Variants in RECQL5 observed in about 807,000 individuals in gnomAD.
The protein encoded by RECQL5 is RecQ like helicase 5.
A neutral mutation model predicts 103.4 loss-of-function variants in RECQL5; 88 were observed. That is an observed-to-expected ratio of 0.85 (90% CI 0.72 to 1.02). RECQL5 has a LOEUF of 1.02. RECQL5 is among the 50% of genes least tolerant of loss of function. The pLI, the probability that RECQL5 is intolerant of heterozygous loss-of-function variation, is 0.00. For synonymous variants in RECQL5, 552 were observed against 507.9 expected (o/e 1.09, Z -1.17); for missense variants, 1,232 against 1,284.3 (o/e 0.96, Z 0.62).
intron 8 of RECQL5, chr17:75,638,299 G>A (rs1331979280): frequency 6.6e-6 from 1 of 152,144 alleles, no homozygotes; most frequent in African/African-American, 2.4e-5. Flanking sequence ...TGGCTAACAT[G>A]GTGAAATCCT....
chr17:75,651,812 A>C (rs2059559371), intron 7 of RECQL5, among the ~76,000 whole-genome samples: 1 of 152,062 alleles, frequency 6.6e-6, no homozygotes, highest in South Asian at 2.1e-4. Context: ...ATATAATATC[A>C]CCTATTTTAA....
intron 6 of RECQL5, 68 bp from the exon 7 acceptor site, chr17:75,658,528 C>G: frequency 1.3e-6 from 2 of 1,498,014 alleles, no homozygotes; most frequent in Non-Finnish European, 9.2e-7. Context: ...GAGGAGTAAT[C>G]ATGACTAGGA....
intron 15 of RECQL5, 78 bp from the exon 16 acceptor site, chr17:75,629,553 C>A (rs1402730050): frequency 1.3e-5 from 20 of 1,496,670 alleles, no homozygotes; most frequent in Non-Finnish European, 1.7e-5. Context: ...AGCAGTAACT[C>A]ACATTGGGAC....
chr17:75,665,645 G>A (rs1207625468), intron 2 of RECQL5, among the ~76,000 whole-genome samples: 4 of 148,912 alleles, frequency 2.7e-5, no homozygotes, highest in Admixed American at 6.7e-5. Flanking sequence ...AGCCGAGATC[G>A]CGCCACTGCA....
chr17:75,644,509 T>C (rs1287021740), intron 8 of RECQL5, among the ~76,000 whole-genome samples: 7 of 151,674 alleles, frequency 4.6e-5, no homozygotes, highest in Non-Finnish European at 1.5e-5. Context: ...CCTGTGGAGG[T>C]TGAGGCAGGA....
rs576882550 is a variant in RECQL5, at chr17:75,665,308, C to A, written c.131-136G>T. 47 of 715,820 alleles carry A rather than the reference C, an allele frequency of 6.6e-5. No individual in the cohort carries two copies. The African/African-American group carries it at 8.4e-4, about 13-fold the overall frequency. 44.3% of individuals were successfully genotyped at this position (715,820 alleles called of 1,614,324 possible). On this transcript the variant is annotated intron_variant, in intron 2 of 19. Coordinates refer to ENST00000317905, the MANE Select transcript of RECQL5 (RefSeq NM_004259.7). Reference sequence around the variant, plus strand: ...GGAGGGTCTCGATGTAATCCTAATTCCCCTCCTGTCCTTTCTATGAAAAAG... The same window carrying A: ...GGAGGGTCTCGATGTAATCCTAATTACCCTCCTGTCCTTTCTATGAAAAAG...
In RECQL5 at chr17:75,629,204, G is replaced by A. The variant is rs573582809; in HGVS notation, c.2219C>T (p.Ser740Phe). 18 of 1,613,500 alleles carry A rather than the reference G, an allele frequency of 1.1e-5. No homozygotes were observed. In the African/African-American group the frequency reaches 2.1e-4, roughly 19 times the overall value. ...CTTGCTAGCCCGGCCCTTGGCAAGG[G>A]AGCTGCCCCCAGAGGAACTTTTTGC... ...KKAKSSSGGS[S>F]LAKGRASKKQ... The change falls in exon 16 of 20, where the codon TCC (serine) becomes TTC (phenylalanine). Residue 740 changes from serine to phenylalanine, a missense_variant. Physicochemically the swap from Ser to Phe is radical, Grantham distance 155 (BLOSUM62 -2). Transcript: ENST00000317905.
At chr17:75,661,369 G>T (rs904379692) in intron 5 of RECQL5, among the ~76,000 whole-genome samples, 8 of 152,150 alleles carry the variant, frequency 5.3e-5, no homozygotes, top group African/African-American at 1.9e-4. Context: ...TTGTAAAAAC[G>T]TATCACCTGC....
chr17:75,658,147 C>G (rs1392012268), intron 7 of RECQL5, 151 bp downstream of exon 7: 1 of 634,770 alleles, frequency 1.6e-6, no homozygotes, highest in Non-Finnish European at 2.5e-6. Context: ...AGCTGCCTAC[C>G]TAACCAATAC....
chr17:75,646,194 C>T (rs977652456), intron 8 of RECQL5: 4 of 152,156 alleles, frequency 2.6e-5, no homozygotes, highest in Non-Finnish European at 2.9e-5. Context: ...GGGAGCAACA[C>T]TTCCCCCAGA....
At chr17:75,665,200 C>A in intron 2 of RECQL5, 28 bp from the exon 3 acceptor site, 1 of 1,593,226 alleles carries the variant, frequency 6.3e-7, no homozygotes, top group Non-Finnish European at 8.6e-7. Context: ...AACAATATCT[C>A]AGTGCTTCCT....
intron 8 of RECQL5, among the ~76,000 whole-genome samples, chr17:75,642,760 G>A: frequency 6.6e-6 from 1 of 152,198 alleles, no homozygotes; most frequent in South Asian, 2.1e-4. Flanking sequence ...CCTCCATGTT[G>A]AAGATACCAC....
chr17:75,628,915 T>C lies in RECQL5; in HGVS notation c.2489+19A>G, dbSNP rs1427054884. ...GCCGTGTAGGTTCCAGAAGATTCTA[T>C]GACTACCTGTACCCTTACCTTGGCC... On this transcript the variant is annotated intron_variant, in intron 16 of 19. Coordinates refer to ENST00000317905, the MANE Select transcript of RECQL5 (RefSeq NM_004259.7). 1.3e-6 allele frequency: 2 copies of C among 1,581,820 alleles called. No homozygotes were observed. Among genetic ancestry groups the C allele is most frequent in the Non-Finnish European group, 8.5e-7 (1 of 1,171,892 alleles).
In RECQL5 at chr17:75,658,476, G is replaced by A. The variant is rs777406443; in HGVS notation, c.987-16C>T. 6.2e-7 allele frequency: 1 copy of A among 1,611,918 alleles called. No individual in the cohort carries two copies. Among genetic ancestry groups the A allele is most frequent in the Non-Finnish European group, 8.5e-7 (1 of 1,178,694 alleles). ...GGCGACAAACCTGTAGGATCCAAAG[G>A]GACAAGCAGCATGAGATGGTGGAGA... is the stretch of plus-strand genomic sequence containing the variant. On this transcript the variant is annotated splice_polypyrimidine_tract_variant and intron_variant, in intron 6 of 19. Coordinates refer to ENST00000317905, the MANE Select transcript of RECQL5 (RefSeq NM_004259.7).
chr17:75,644,051 C>A (rs1297120746), intron 8 of RECQL5, among the ~76,000 whole-genome samples: 4 of 152,250 alleles, frequency 2.6e-5, no homozygotes, highest in African/African-American at 9.6e-5. Context: ...TGCCTGTAAT[C>A]CCAGCACTTT....
intron 18 of RECQL5, 53 bp from the exon 19 acceptor site, chr17:75,627,745 C>A: frequency 6.6e-7 from 1 of 1,513,768 alleles, no homozygotes; most frequent in South Asian, 1.2e-5. Context: ...GGTGGCCGGG[C>A]GCAGTGGCTC....
intron 8 of RECQL5, among the ~76,000 whole-genome samples, chr17:75,643,996 T>C (rs781628666): frequency 1.3e-5 from 2 of 152,204 alleles, no homozygotes; most frequent in Non-Finnish European, 2.9e-5. Context: ...TGTCTGTACA[T>C]CATGCCTGAT....
At chr17:75,632,411 A>G (rs1016655178) in intron 8 of RECQL5, among the ~76,000 whole-genome samples, 4 of 152,002 alleles carry the variant, frequency 2.6e-5, no homozygotes, top group Admixed American at 6.6e-5. Flanking sequence ...CCCTAAGTAT[A>G]CTCTGTGACC....
intron 8 of RECQL5, among the ~76,000 whole-genome samples, chr17:75,644,116 CAACATGGTGA>C (rs1009391514): frequency 2.0e-4 from 31 of 152,242 alleles, no homozygotes; most frequent in African/African-American, 7.5e-4. Context: ...CCAGCCTGAC[CAACATGGTGA>C]AACCTGTCTC....
Sources: gnomAD v4.1 joint callset for allele counts (sites outside exome capture counted in the v4.1 genomes callset) on GRCh38, gnomAD v4.1.1 for gene constraint, MANE v1.5 for transcripts, NCBI Gene and HGNC (gene_info 2026-07-23, HGNC 2026-07-21) for gene names.